Variants in SOBP observed in about 807,000 individuals in gnomAD.
SOBP encodes the protein sine oculis binding protein homolog.
SOBP carries 4 observed loss-of-function variants against 53.6 expected under a neutral mutation model. The observed-to-expected ratio is 0.07, with a 90% CI of 0.04 to 0.17. The LOEUF is 0.17. SOBP is among the 10% of genes least tolerant of loss of function. The probability of loss-of-function intolerance (pLI) is 1.00; values close to 1 mark genes in which losing one functional copy is unlikely to be tolerated. For synonymous variants in SOBP, 584 were observed against 522.6 expected (o/e 1.12, Z -1.60); for missense variants, 1,088 against 1,204.7 (o/e 0.90, Z 1.43).
chr6:107,553,476 A>C (rs936398864), intron 4 of SOBP, among the ~76,000 whole-genome samples: 28 of 147,678 alleles, frequency 1.9e-4, no homozygotes, highest in African/African-American at 7.0e-4. Context: ...CTACAGGTGC[A>C]CGCCACTACA....
chr6:107,608,171 A>C (rs1428572001), intron 5 of SOBP, among the ~76,000 whole-genome samples: 1 of 152,108 alleles, frequency 6.6e-6, no homozygotes, highest in Non-Finnish European at 1.5e-5. Flanking sequence ...CATCTTATAC[A>C]CCATGGTTTT....
intron 3 of SOBP, among the ~76,000 whole-genome samples, chr6:107,516,216 C>T (rs372042231): frequency 5.5e-4 from 84 of 152,218 alleles, no homozygotes; most frequent in Middle Eastern, 6.8e-3. Flanking sequence ...AATAGTAGTA[C>T]TTTGGGAGTC....
intron 5 of SOBP, among the ~76,000 whole-genome samples, chr6:107,625,733 G>A (rs1382446859): frequency 6.6e-6 from 1 of 152,202 alleles, no homozygotes; most frequent in African/African-American, 2.4e-5. Context: ...AGATGCCACT[G>A]ATAATCACAG....
At chr6:107,615,417 A>G (rs1786750267) in intron 5 of SOBP, among the ~76,000 whole-genome samples, 1 of 152,190 alleles carries the variant, frequency 6.6e-6, no homozygotes, top group East Asian at 1.9e-4. Context: ...TCACTTGGAA[A>G]TCAGAGGGAC....
At chr6:107,611,758 G>T (rs997041498) in intron 5 of SOBP, among the ~76,000 whole-genome samples, 2 of 152,192 alleles carry the variant, frequency 1.3e-5, no homozygotes, top group African/African-American at 2.4e-5. Flanking sequence ...AGCAGACTTT[G>T]CTCAATTAAG....
At chr6:107,648,870 G>T (rs1224741580) in intron 6 of SOBP, among the ~76,000 whole-genome samples, 1 of 152,100 alleles carries the variant, frequency 6.6e-6, no homozygotes. Context: ...ATATAAAAAT[G>T]CCTGGTGCTG....
intron 3 of SOBP, among the ~76,000 whole-genome samples, chr6:107,519,347 A>T (rs573250225): frequency 6.6e-6 from 1 of 151,654 alleles, no homozygotes; most frequent in South Asian, 2.1e-4. Flanking sequence ...AGCTGAAAAT[A>T]TTAACAATGC....
intron 4 of SOBP, among the ~76,000 whole-genome samples, chr6:107,569,720 T>A: frequency 6.6e-6 from 1 of 152,210 alleles, no homozygotes; most frequent in East Asian, 1.9e-4. Context: ...TGCACAAGAC[T>A]CTTTCCACCA....
chr6:107,617,326 T>C (rs573524996), intron 5 of SOBP, among the ~76,000 whole-genome samples: 1 of 152,280 alleles, frequency 6.6e-6, no homozygotes, highest in East Asian at 1.9e-4. Flanking sequence ...TAATTTGGAT[T>C]CTTGCTAATT....
intron 5 of SOBP, among the ~76,000 whole-genome samples, chr6:107,616,945 C>G (rs769477223): frequency 6.6e-6 from 1 of 152,036 alleles, no homozygotes; most frequent in African/African-American, 2.4e-5. Flanking sequence ...CTCAGGGTGC[C>G]GTGTGTTTGT....
chr6:107,572,543 A>G (rs1438588651), intron 4 of SOBP, among the ~76,000 whole-genome samples: 2 of 152,150 alleles, frequency 1.3e-5, no homozygotes, highest in South Asian at 2.1e-4. Flanking sequence ...AGCTCAAGCA[A>G]TCCACCCACC....
intron 3 of SOBP, among the ~76,000 whole-genome samples, chr6:107,508,527 T>G (rs1783064556): frequency 6.6e-6 from 1 of 151,728 alleles, no homozygotes; most frequent in South Asian, 2.1e-4. Flanking sequence ...TGCAGTGAGC[T>G]GAGATCATGC....
At chr6:107,522,705 G>A (rs1783550246) in intron 3 of SOBP, among the ~76,000 whole-genome samples, 1 of 151,700 alleles carries the variant, frequency 6.6e-6, no homozygotes, top group Non-Finnish European at 1.5e-5. Flanking sequence ...ATCATGCCCA[G>A]CTAATTTTTG....
Position 107,623,789 on chromosome 6 carries a change from A to G in SOBP, c.670-9725A>G, listed in dbSNP as rs535069543. On this transcript the variant is annotated intron_variant, in intron 5 of 6. Coordinates refer to ENST00000317357, the MANE Select transcript of SOBP (RefSeq NM_018013.4). ...GAAATAGTTGATGAGCCCTTAGAAG[A>G]AAAAGGTTTCGGTTGACCAGAAACT... is the stretch of plus-strand genomic sequence containing the variant. 1.1e-4 allele frequency among the ~76,000 whole-genome samples: 17 copies of G among 152,348 alleles called. No homozygotes were observed. The Middle Eastern group carries it at 0.014, about 122-fold the overall frequency.
chr6:107,557,228 C>G (rs922001864), intron 4 of SOBP, among the ~76,000 whole-genome samples: 3 of 151,916 alleles, frequency 2.0e-5, no homozygotes, highest in Non-Finnish European at 4.4e-5. Flanking sequence ...AGATTTTTTT[C>G]CTTTGAAATC....
intron 4 of SOBP, among the ~76,000 whole-genome samples, chr6:107,562,030 CTTT>C (rs1213715418): frequency 8.4e-5 from 11 of 130,590 alleles, no homozygotes; most frequent in African/African-American, 1.1e-4. Flanking sequence ...CTCCCTGGTT[CTTT>C]TTTTTTTTTT....
chr6:107,494,481 G>C (rs1379466546), intron 1 of SOBP, among the ~76,000 whole-genome samples: 1 of 152,198 alleles, frequency 6.6e-6, no homozygotes, highest in Non-Finnish European at 1.5e-5. Context: ...TTTGTGATCA[G>C]TAGCTACCAA....
At chr6:107,596,109 G>A (rs1785937867) in intron 5 of SOBP, among the ~76,000 whole-genome samples, 2 of 152,150 alleles carry the variant, frequency 1.3e-5, no homozygotes, top group Admixed American at 1.3e-4. Context: ...TGTGTGTCAA[G>A]AGCCTTGTCT....
intron 6 of SOBP, among the ~76,000 whole-genome samples, chr6:107,655,723 T>TATAA (rs1772004930): frequency 6.6e-6 from 1 of 152,184 alleles, no homozygotes; most frequent in African/African-American, 2.4e-5. Flanking sequence ...GTAGTTAAGG[T>TATAA]TCCAGAATGG....
Sources: allele counts gnomAD v4.1 joint callset (sites outside exome capture counted in the v4.1 genomes callset), GRCh38; gene constraint gnomAD v4.1.1; transcripts MANE v1.5; gene names NCBI Gene and HGNC (gene_info 2026-07-23, HGNC 2026-07-21).